Variants in CORO2B observed in about 807,000 individuals in gnomAD.
CORO2B encodes coronin-2B.
A neutral mutation model predicts 58.8 loss-of-function variants in CORO2B; 26 were observed. The observed-to-expected ratio is 0.44, with a 90% CI of 0.32 to 0.61. The LOEUF is 0.61. Ranked by LOEUF, CORO2B falls within the 20% of genes least tolerant of loss-of-function variation. The pLI is 0.04. For missense variants in CORO2B, 460 were observed against 645.1 expected, an observed-to-expected ratio of 0.71 and a Z score of 3.11; for synonymous variants, 242 against 253.8, an observed-to-expected ratio of 0.95 and a Z score of 0.44.
chr15:68,596,478 A>G (rs1355539832), intron 1 of CORO2B, among the ~76,000 whole-genome samples: 1 of 152,064 alleles, frequency 6.6e-6, no homozygotes, highest in African/African-American at 2.4e-5. Context: ...CTCCAGCAGG[A>G]GCCTGCCTGC....
chr15:68,641,553 C>T, intron 1 of CORO2B: 2 of 985,328 alleles, frequency 2.0e-6, no homozygotes, highest in African/African-American at 3.5e-5. Context: ...GGCACAGAAA[C>T]TGCGGGCCGC....
intron 1 of CORO2B, among the ~76,000 whole-genome samples, chr15:68,579,662 G>A (rs541722268): frequency 1.9e-4 from 29 of 152,344 alleles, no homozygotes; most frequent in Non-Finnish European, 3.2e-4. Flanking sequence ...CTGAGCAGTG[G>A]GTGTGGGGAT....
upstream of CORO2B, among the ~76,000 whole-genome samples, chr15:68,575,970 T>C (rs1309570738): frequency 6.6e-6 from 1 of 150,844 alleles, no homozygotes; most frequent in African/African-American, 2.4e-5. Flanking sequence ...CTGGCCAACA[T>C]AGTGAAACCC....
At chr15:68,705,380 G>A (rs1443551201) in intron 3 of CORO2B, among the ~76,000 whole-genome samples, 2 of 145,040 alleles carry the variant, frequency 1.4e-5, no homozygotes, top group African/African-American at 5.1e-5. Context: ...GGAGGTTTCA[G>A]TAAGCTGAGA....
intron 11 of CORO2B, among the ~76,000 whole-genome samples, chr15:68,721,164 G>A (rs1358499603): frequency 3.1e-5 from 4 of 130,492 alleles, no homozygotes; most frequent in Non-Finnish European, 6.6e-5. Flanking sequence ...TTACAGATGT[G>A]AGCCACCACA....
Position 68,713,976 on chromosome 15 carries a change from A to G in CORO2B, c.700A>G (p.Met234Val), listed in dbSNP as rs1404291083. ...RVNRVVFLGN[M>V]KRLLTTGVSR... is the part of the protein sequence containing the mutation. ...GAACCGGGTGGTGTTCCTGGGGAAC[A>G]TGAAGCGGCTCCTCACGACAGGGGT... The change falls in exon 6 of 12, where the codon ATG becomes GTG. Residue 234 changes from methionine (M) to valine (V), a missense_variant. Physicochemically the swap from Met to Val is conservative, Grantham distance 21. Coordinates refer to ENST00000261861, the MANE Select transcript of CORO2B (RefSeq NM_006091.5). 2 of 1,614,138 alleles carry G rather than the reference A, an allele frequency of 1.2e-6. No homozygotes were observed. The highest frequency in any genetic ancestry group is 1.7e-6 in the Non-Finnish European group (2 of 1,180,000).
chr15:68,583,245 G>GC (rs958130776), intron 1 of CORO2B, among the ~76,000 whole-genome samples: 3 of 152,194 alleles, frequency 2.0e-5, no homozygotes, highest in African/African-American at 7.2e-5. Flanking sequence ...TGTCTCTAGG[G>GC]CCCCTACAGA....
At chr15:68,562,209 G>A in the CORO2B span, among the ~76,000 whole-genome samples, 3 of 152,290 alleles carry the variant, frequency 2.0e-5, no homozygotes, top group Non-Finnish European at 4.4e-5. Context: ...GCTGAGCACT[G>A]GGTTGACTAT....
chr15:68,709,581 C>T (rs915925327), intron 3 of CORO2B, among the ~76,000 whole-genome samples: 20 of 151,310 alleles, frequency 1.3e-4, no homozygotes, highest in African/African-American at 4.4e-4. Context: ...CTCAGCCTCC[C>T]GAGTAGCTGG....
At chr15:68,523,075 G>T in the CORO2B span, among the ~76,000 whole-genome samples, 1 of 152,160 alleles carries the variant, frequency 6.6e-6, no homozygotes, top group East Asian at 1.9e-4. Flanking sequence ...TTACAAATTT[G>T]TTCTTTCTCT....
chr15:68,711,009 A>G (rs1051331473), intron 4 of CORO2B, 128 bp downstream of exon 4: 10 of 1,029,016 alleles, frequency 9.7e-6, no homozygotes, highest in Non-Finnish European at 1.3e-5. Context: ...TTGCTTATTC[A>G]TTCATTCATT....
the CORO2B span, among the ~76,000 whole-genome samples, chr15:68,567,100 CAG>C: frequency 6.6e-6 from 1 of 152,176 alleles, no homozygotes; most frequent in Non-Finnish European, 1.5e-5. Context: ...TTAAATGAAA[CAG>C]GGTATACCAT....
At chr15:68,679,068 A>G (rs1352724653) in intron 2 of CORO2B, among the ~76,000 whole-genome samples, 4 of 152,188 alleles carry the variant, frequency 2.6e-5, no homozygotes, top group African/African-American at 7.2e-5. Flanking sequence ...TCACTCGTGG[A>G]TGAGTTCAGT....
intron 11 of CORO2B, among the ~76,000 whole-genome samples, chr15:68,725,403 TGTA>T (rs1304591861): frequency 2.0e-5 from 3 of 152,026 alleles, no homozygotes; most frequent in Non-Finnish European, 4.4e-5. Flanking sequence ...GCAATAATAA[TGTA>T]ATAATATATG....
At chr15:68,622,388 A>G (rs1900551565) in intron 1 of CORO2B, among the ~76,000 whole-genome samples, 1 of 152,156 alleles carries the variant, frequency 6.6e-6, no homozygotes, top group East Asian at 1.9e-4. Context: ...ATGCTGTTGA[A>G]GGCCATGGGG....
At chr15:68,536,552 C>T in the CORO2B span, among the ~76,000 whole-genome samples, 6 of 152,172 alleles carry the variant, frequency 3.9e-5, no homozygotes, top group South Asian at 4.1e-4. Flanking sequence ...CCTGTAATAA[C>T]GTGATGTGGT....
intron 1 of CORO2B, among the ~76,000 whole-genome samples, chr15:68,580,273 G>A (rs568026475): frequency 2.0e-5 from 3 of 152,232 alleles, no homozygotes; most frequent in Non-Finnish European, 2.9e-5. Flanking sequence ...GGGCTTGGCC[G>A]TCCATTCAAG....
At chr15:68,578,745 G>A (rs987877916), upstream of CORO2B, among the ~76,000 whole-genome samples, 5 of 152,062 alleles carry the variant, frequency 3.3e-5, no homozygotes, top group African/African-American at 9.7e-5. This position sits in a 1 kb window ranked among gnomAD's most constrained non-coding sequence, Gnocchi z 4.2. Context: ...CAGGTGCCGG[G>A]AGCCAGCCTC....
chr15:68,721,223 C>T (rs535342886), intron 11 of CORO2B, among the ~76,000 whole-genome samples: 108 of 152,226 alleles, frequency 7.1e-4, no homozygotes, highest in Non-Finnish European at 1.4e-3. Flanking sequence ...CCTTCTTGAC[C>T]TCTGGGACCT....
Sources: gnomAD v4.1 joint callset for allele counts (sites outside exome capture counted in the v4.1 genomes callset) on GRCh38, gnomAD v4.1.1 for gene constraint, Gnocchi (gnomAD v3.1) non-coding constraint, MANE v1.5 for transcripts, NCBI Gene and HGNC (gene_info 2026-07-23, HGNC 2026-07-21) for gene names.